CCL23: variants seen among roughly 807,000 people sequenced by gnomAD.
The protein encoded by CCL23 is C-C motif chemokine 23.
Under a neutral mutation model 11.8 loss-of-function variants are expected in CCL23, and 10 were observed. That is an observed-to-expected ratio of 0.84 (90% CI 0.52 to 1.43). The LOEUF (loss-of-function observed/expected upper bound fraction) is 1.43, where lower values mean the gene tolerates loss of function less well. Ranked by LOEUF, CCL23 falls within the 40% of genes most tolerant of loss-of-function variation. The pLI, the probability that CCL23 is intolerant of heterozygous loss-of-function variation, is 0.00. For missense variants in CCL23, 181 were observed against 170.9 expected (o/e 1.06, Z -0.33); for synonymous variants, 60 against 61.0 (o/e 0.98, Z 0.07).
chr17:36,013,780 A>C lies in CCL23; in HGVS notation c.266T>G (p.Phe89Cys). 6.2e-7 allele frequency: 1 copy of C among 1,614,166 alleles called. No individual in the cohort carries two copies. Residue 89 changes from phenylalanine (F) to cysteine (C), a missense_variant, in exon 3 of 4, where the codon TTT becomes TGT. Phe to Cys is a radical substitution (Grantham distance 205). Coordinates refer to ENST00000615050, the MANE Select transcript of CCL23 (RefSeq NM_005064.6). ...SIPCSLLESY[F>C]ETNSECSKPG... is the part of the protein sequence containing the mutation. ...CTTGGAGCACTCGCTGTTCGTTTCA[A>C]AGTAACTCTCCAGGAGTGAACACGG...
Position 36,014,189 on chromosome 17 carries a change from C to T in CCL23, c.136+145G>A. The T allele has an allele frequency of 6.2e-6, 3 of 486,080 alleles. 1 individual carries two copies. The highest frequency in any genetic ancestry group is 2.6e-5 in the South Asian group (1 of 37,772). The allele number at this position is 486,080 out of a possible 1,614,324, so 30.1% of individuals were successfully genotyped here. ...GCATCTATGGAGGGGGTTCCCATAG[C>T]CCGTCCTGATCTTCCTTGGAGATGT... is the stretch of plus-strand genomic sequence containing the variant. On this transcript the variant is annotated intron_variant, in intron 2 of 3. Transcript: ENST00000615050.
intron 1 of CCL23, among the ~76,000 whole-genome samples, chr17:36,017,141 T>C (rs895135913): frequency 6.6e-6 from 1 of 152,184 alleles, no homozygotes; most frequent in Admixed American, 6.5e-5. Flanking sequence ...TATCTAAGGT[T>C]CTGTGCCTCA....
chr17:36,013,369 G>T (rs770942461), intron 3 of CCL23, 61 bp from the exon 4 acceptor site: 1 of 1,096,100 alleles, frequency 9.1e-7, no homozygotes, highest in Non-Finnish European at 1.4e-6. Flanking sequence ...GGGGACAGGG[G>T]GCCCCATTCT....
rs190518785 is a variant in CCL23 at position 36,013,697 on chromosome 17, A to G, written c.302+47T>C. The G allele has an allele frequency of 3.6e-5, 57 of 1,597,710 alleles. No individual in the cohort carries two copies. The East Asian group carries it at 5.6e-4, about 16-fold the overall frequency. ...TATCAGGTCCTCCCTGCAAGATGCT[A>G]CAGAGTCCTTCTCCCTCAACACATG... is the stretch of plus-strand genomic sequence containing the variant. On this transcript the variant is annotated intron_variant, in intron 3 of 3. Coordinates refer to ENST00000615050, the MANE Select transcript of CCL23 (RefSeq NM_005064.6).
rs1266482237 is a variant in CCL23 at position 36,017,972 on chromosome 17, T to C, written c.-75A>G. 3 of 1,514,852 alleles carry C rather than the reference T, an allele frequency of 2.0e-6. No individual in the cohort carries two copies. Among genetic ancestry groups the C allele is most frequent in the East Asian group, 4.7e-5 (2 of 42,718 alleles). The allele number at this position is 1,514,852 out of a possible 1,614,324, so 93.8% of individuals were successfully genotyped here. ...TCCTGGCTTCTCGGGATGCCAGTTC[T>C]GCCCTTGTATTTATAAGAAGAAGAG... On this transcript the variant is annotated 5_prime_UTR_variant, in exon 1 of 4. Coordinates refer to ENST00000615050, the MANE Select transcript of CCL23 (RefSeq NM_005064.6).
chr17:36,014,148 G>A (rs2090079942), intron 2 of CCL23, among the ~76,000 whole-genome samples, 186 bp downstream of exon 2: 1 of 152,168 alleles, frequency 6.6e-6, no homozygotes, highest in Non-Finnish European at 1.5e-5. Flanking sequence ...GGGGCAGCCA[G>A]AGGGGAACAG....
chr17:36,013,716 A>T (rs764677052), intron 3 of CCL23, 28 bp downstream of exon 3: 1 of 1,612,572 alleles, frequency 6.2e-7, no homozygotes, highest in Admixed American at 1.7e-5. Context: ...TTCTCCCTCA[A>T]CACATGTTTG....
chr17:36,013,286 G>T lies in CCL23; in HGVS notation c.325C>A (p.Arg109Ser), dbSNP rs369008680. The T allele has an allele frequency of 8.1e-6, 13 of 1,613,388 alleles. No individual in the cohort carries two copies. The highest frequency in any genetic ancestry group is 1.1e-5 in the Non-Finnish European group (13 of 1,179,416). The change falls in exon 4 of 4, where the codon CGT becomes AGT. Residue 109 changes from arginine (R) to serine (S), a missense_variant. Transcript: ENST00000615050. ...TTATCACTGGGGTTGGCACAGAAACGTCGCCCCTTCTTGGTGAGGAAGCTA... is the reference window on the plus strand; with the variant it reads ...TTATCACTGGGGTTGGCACAGAAACTTCGCCCCTTCTTGGTGAGGAAGCTA... ...GVIFLTKKGR[R>S]FCANPSDKQV...
chr17:36,016,081 A>G (rs926767705), intron 1 of CCL23, among the ~76,000 whole-genome samples: 1 of 150,596 alleles, frequency 6.6e-6, no homozygotes, highest in Non-Finnish European at 1.5e-5. Context: ...TACTTTTAAT[A>G]TAATTTAATA....
Position 36,016,938 on chromosome 17 carries a change from T to A in CCL23, c.76+884A>T, listed in dbSNP as rs148573730. Among the ~76,000 whole-genome samples the A allele has an allele frequency of 4.4e-3, 665 of 152,076 alleles. 3 individuals are homozygous for A. The highest frequency in any genetic ancestry group is 0.027 in the Middle Eastern group (8 of 294). On this transcript the variant is annotated intron_variant, in intron 1 of 3. Transcript: ENST00000615050. Reference sequence around the variant, plus strand: ...TTAGTCCCCCAATTGCTTTCCAGTGTTTTCAACTTATTTCTTATATGGTTA... The same window carrying A: ...TTAGTCCCCCAATTGCTTTCCAGTGATTTCAACTTATTTCTTATATGGTTA...
intron 1 of CCL23, 37 bp from the exon 2 acceptor site, chr17:36,014,430 GGGC>G: frequency 6.5e-7 from 1 of 1,546,956 alleles, no homozygotes; most frequent in Non-Finnish European, 8.9e-7. Context: ...GGAAATCACT[GGGC>G]GGCAGCATTG....
chr17:36,013,686 T>A (rs1731089247), intron 3 of CCL23, 58 bp downstream of exon 3: 1 of 1,571,978 alleles, frequency 6.4e-7, no homozygotes, highest in South Asian at 1.1e-5. Flanking sequence ...AGGTCCTCCC[T>A]GCAAGATGCT....
In CCL23 at chr17:36,013,912, G is replaced by A. The variant is rs1340896726; in HGVS notation, c.137-3C>T. ...ACCAATCTTTCTCCTCCAGAGCACTGTGGAGGGTGAGAAGGCACATGGCTC... is the reference window on the plus strand; with the variant it reads ...ACCAATCTTTCTCCTCCAGAGCACTATGGAGGGTGAGAAGGCACATGGCTC... On this transcript the variant is annotated splice_region_variant and splice_polypyrimidine_tract_variant and intron_variant, in intron 2 of 3. Coordinates refer to ENST00000615050, the MANE Select transcript of CCL23 (RefSeq NM_005064.6). The A allele has an allele frequency of 6.2e-7, 1 of 1,613,252 alleles. No homozygotes were observed. The highest frequency in any genetic ancestry group is 8.5e-7 in the Non-Finnish European group (1 of 1,179,368).
intron 1 of CCL23, 140 bp downstream of exon 1, chr17:36,017,682 C>T (rs976985659): frequency 2.6e-6 from 2 of 773,948 alleles, no homozygotes; most frequent in African/African-American, 3.4e-5. Flanking sequence ...AGAACCAGGT[C>T]TATACTCTGG....
chr17:36,013,093 A>T lies in CCL23; in HGVS notation c.*104T>A. On this transcript the variant is annotated 3_prime_UTR_variant, in exon 4 of 4. Coordinates refer to ENST00000615050, the MANE Select transcript of CCL23 (RefSeq NM_005064.6). Reference sequence around the variant, plus strand: ...CTGTTTATTAGATGAATTGCTCTAAATCCAGAACACAAGAATAAATGCTTC... The same window carrying T: ...CTGTTTATTAGATGAATTGCTCTAATTCCAGAACACAAGAATAAATGCTTC... 2.8e-6 allele frequency: 2 copies of T among 722,104 alleles called. No homozygotes were observed. The highest frequency in any genetic ancestry group is 5.0e-6 in the Non-Finnish European group (2 of 402,006). The allele number at this position is 722,104 out of a possible 1,614,324, so 44.7% of individuals were successfully genotyped here.
intron 2 of CCL23, 38 bp from the exon 3 acceptor site, chr17:36,013,947 G>C (rs1598756780): frequency 6.3e-7 from 1 of 1,598,826 alleles, no homozygotes; most frequent in East Asian, 2.2e-5. Context: ...CAGAAGAGAT[G>C]TTTCCTCCTC....
At chr17:36,014,428 C>A in intron 1 of CCL23, 35 bp from the exon 2 acceptor site, 2 of 1,556,748 alleles carry the variant, frequency 1.3e-6, no homozygotes, top group East Asian at 2.2e-5. Flanking sequence ...AAGGAAATCA[C>A]TGGGCGGCAG....
intron 1 of CCL23, among the ~76,000 whole-genome samples, 167 bp from the exon 2 acceptor site, chr17:36,014,560 T>C (rs571342332): frequency 6.6e-6 from 1 of 152,170 alleles, no homozygotes; most frequent in Non-Finnish European, 1.5e-5. Flanking sequence ...CATTTATTCC[T>C]TTAGGGCCCT....
chr17:36,013,858 C>A lies in CCL23; in HGVS notation c.188G>T (p.Gly63Val). 6.2e-7 allele frequency: 1 copy of A among 1,614,176 alleles called. No homozygotes were observed. Among genetic ancestry groups the A allele is most frequent in the Non-Finnish European group, 8.5e-7 (1 of 1,179,990 alleles). ...GPQMTLSHAA[G>V]FHATSADCCI... Reference sequence around the variant, plus strand: ...GCAGTCAGCACTAGTAGCATGGAATCCTGCAGCATGAGAAAGGGTCATCTG... The same window carrying A: ...GCAGTCAGCACTAGTAGCATGGAATACTGCAGCATGAGAAAGGGTCATCTG... Residue 63 changes from glycine (G) to valine (V), a missense_variant, in exon 3 of 4, where the codon GGA (glycine) becomes GTA (valine). Coordinates refer to ENST00000615050, the MANE Select transcript of CCL23 (RefSeq NM_005064.6).
Sources: gnomAD v4.1 joint callset for allele counts (sites outside exome capture counted in the v4.1 genomes callset) on GRCh38, gnomAD v4.1.1 for gene constraint, MANE v1.5 for transcripts, NCBI Gene and HGNC (gene_info 2026-07-23, HGNC 2026-07-21) for gene names.